CHN2: variants seen among roughly 807,000 people sequenced by gnomAD.
CHN2 encodes the protein beta-chimaerin.
CHN2 carries 35 observed loss-of-function variants against 56.3 expected under a neutral mutation model. That is an observed-to-expected ratio of 0.62 (90% confidence interval 0.47 to 0.82). The LOEUF (loss-of-function observed/expected upper bound fraction) is 0.82. Ranked by LOEUF, CHN2 falls within the 40% of genes least tolerant of loss-of-function variation. CHN2 has a pLI of 0.00. For synonymous variants in CHN2, 210 were observed against 212.8 expected (o/e 0.99, Z 0.12); for missense variants, 491 against 580.5 (o/e 0.85, Z 1.58).
At chr7:29,460,166 C>T (rs992815515) in intron 6 of CHN2, among the ~76,000 whole-genome samples, 6 of 152,162 alleles carry the variant, frequency 3.9e-5, no homozygotes, top group Admixed American at 6.5e-5. Flanking sequence ...ATTTTTAAAG[C>T]CCCCTGAGCA....
chr7:29,435,049 A>C (rs532514035), intron 6 of CHN2, among the ~76,000 whole-genome samples: 2 of 152,192 alleles, frequency 1.3e-5, no homozygotes, highest in African/African-American at 4.8e-5. Context: ...CCAAGATTGC[A>C]CCACTGCACT....
intron 3 of CHN2, among the ~76,000 whole-genome samples, chr7:29,387,600 G>A (rs1034820592): frequency 2.6e-5 from 4 of 152,204 alleles, no homozygotes; most frequent in African/African-American, 9.7e-5. Flanking sequence ...CAAATTCCAA[G>A]ATGATGCCAA....
At chr7:29,175,000 A>G (rs1178165489) in intron 2 of CHN2, among the ~76,000 whole-genome samples, 1 of 152,162 alleles carries the variant, frequency 6.6e-6, no homozygotes, top group Non-Finnish European at 1.5e-5. Flanking sequence ...AGATTAGATA[A>G]TGATATGGTT....
chr7:29,188,600 G>T (rs1377292265), intron 2 of CHN2, among the ~76,000 whole-genome samples: 2 of 151,934 alleles, frequency 1.3e-5, no homozygotes. Flanking sequence ...GGAAAGAAAT[G>T]AAAATATTGA....
intron 1 of CHN2, among the ~76,000 whole-genome samples, chr7:29,263,317 C>G (rs1043267212): frequency 6.6e-6 from 1 of 152,206 alleles, no homozygotes; most frequent in Non-Finnish European, 1.5e-5. Flanking sequence ...GACGGAGTCT[C>G]GCTCACTCAG....
chr7:29,305,937 T>C (rs949965691), intron 1 of CHN2, among the ~76,000 whole-genome samples: 1 of 139,624 alleles, frequency 7.2e-6, no homozygotes, highest in Non-Finnish European at 1.6e-5. Flanking sequence ...CTTACTTGAA[T>C]CTTTATTACT....
chr7:29,313,974 C>T (rs529672498), intron 1 of CHN2, among the ~76,000 whole-genome samples: 10 of 152,256 alleles, frequency 6.6e-5, no homozygotes, highest in African/African-American at 2.4e-4. Context: ...TTTAAATCTC[C>T]CGTCCTTAGT....
intron 2 of CHN2, among the ~76,000 whole-genome samples, chr7:29,360,197 CAT>C (rs1270279060): frequency 1.3e-5 from 2 of 152,150 alleles, no homozygotes; most frequent in African/African-American, 4.8e-5. Context: ...TTCACAGTGC[CAT>C]TAGACAAGAT....
At chr7:29,323,433 C>A (rs777452648) in intron 1 of CHN2, among the ~76,000 whole-genome samples, 2 of 152,192 alleles carry the variant, frequency 1.3e-5, no homozygotes, top group Non-Finnish European at 2.9e-5. Flanking sequence ...TCTGCTACCA[C>A]AGCCTAAGAT....
At chr7:29,241,845 C>A (rs1329743101) in intron 1 of CHN2, among the ~76,000 whole-genome samples, 3 of 152,066 alleles carry the variant, frequency 2.0e-5, no homozygotes, top group Non-Finnish European at 2.9e-5. Flanking sequence ...GGTAAATAAA[C>A]AAATAAACAA....
intron 8 of CHN2, 100 bp downstream of exon 8, chr7:29,496,136 A>C (rs1057161679): frequency 2.1e-6 from 2 of 944,580 alleles, no homozygotes; most frequent in South Asian, 1.9e-5. Flanking sequence ...AGATTAGCTC[A>C]AAAGTCTAGC....
Position 29,273,351 on chromosome 7 carries a change from A to ATATGTG in CHN2, c.49+78364_49+78365insGTGTAT, listed in dbSNP as rs1174599624. On this transcript the variant is annotated intron_variant, in intron 1 of 12. Transcript: ENST00000222792. The stretch of plus-strand genomic sequence containing the variant: ...CATATATATATATATGTGTATATAT[A>ATATGTG]TATATATATATATATATATATATAT... Among the ~76,000 whole-genome samples the ATATGTG allele has an allele frequency of 2.2e-3, 112 of 49,778 alleles. 3 individuals carry two copies. The highest frequency in any genetic ancestry group is 8.1e-3 in the African/African-American group (107 of 13,148). The allele number at this position is 49,778 out of a possible 152,430, so 32.7% of individuals were successfully genotyped here. A position where few individuals can be genotyped will look rare whatever the true frequency, so the allele number is the denominator to read the frequency against.
At chr7:29,330,914 A>G (rs542653265) in intron 1 of CHN2, among the ~76,000 whole-genome samples, 7 of 152,354 alleles carry the variant, frequency 4.6e-5, no homozygotes, top group African/African-American at 1.2e-4. Context: ...GCAAGGATCA[A>G]TGTTTATTCA....
chr7:29,438,304 A>C (rs1783389663), intron 6 of CHN2, among the ~76,000 whole-genome samples: 2 of 152,238 alleles, frequency 1.3e-5, no homozygotes, highest in African/African-American at 4.8e-5. Context: ...TTCTACTTAA[A>C]TCTGGTTAAA....
chr7:29,167,889 A>T (rs1264469953), intron 2 of CHN2, among the ~76,000 whole-genome samples: 1 of 152,224 alleles, frequency 6.6e-6, no homozygotes, highest in African/African-American at 2.4e-5. Context: ...TTACTTACTG[A>T]TGCAAAAACC....
At chr7:29,271,133 T>A (rs1417528311) in intron 1 of CHN2, among the ~76,000 whole-genome samples, 5 of 152,160 alleles carry the variant, frequency 3.3e-5, no homozygotes, top group Non-Finnish European at 7.4e-5. Context: ...GGAAGTGGAC[T>A]GAAAGGGGTG....
chr7:29,359,208 A>G (rs1411631249), intron 2 of CHN2, among the ~76,000 whole-genome samples: 1 of 152,200 alleles, frequency 6.6e-6, no homozygotes, highest in African/African-American at 2.4e-5. Flanking sequence ...GAATTCAGGA[A>G]AGGATCAACC....
chr7:29,273,384 T>TAC (rs1790904595), intron 1 of CHN2, among the ~76,000 whole-genome samples: 1 of 55,978 alleles, frequency 1.8e-5, no homozygotes, highest in Non-Finnish European at 3.2e-5. Flanking sequence ...TATATATATA[T>TAC]ATATACACAC....
chr7:29,472,185 C>T (rs1174532001), intron 6 of CHN2, among the ~76,000 whole-genome samples: 2 of 150,484 alleles, frequency 1.3e-5, no homozygotes, highest in Non-Finnish European at 3.0e-5. Context: ...CTCCACAATG[C>T]CATAGCAAAA....
Sources: allele counts gnomAD v4.1 joint callset (sites outside exome capture counted in the v4.1 genomes callset), GRCh38; gene constraint gnomAD v4.1.1; transcripts MANE v1.5; gene names NCBI Gene and HGNC (gene_info 2026-07-23, HGNC 2026-07-21).